The following MPP2 variants were observed in gnomAD, a reference collection of about 807,000 sequenced individuals.
MPP2 encodes MAGUK p55 subfamily member 2.
MPP2 carries 42 observed loss-of-function variants against 58.5 expected under a neutral mutation model. The observed-to-expected ratio is 0.72, with a 90% CI of 0.56 to 0.93. MPP2 has a LOEUF of 0.93. MPP2 is among the 40% of genes least tolerant of loss of function. The pLI is 0.00. For synonymous variants in MPP2, 300 were observed against 307.8 expected (o/e 0.97, Z 0.26); for missense variants, 632 against 760.4 (o/e 0.83, Z 1.99).
intron 3 of MPP2, among the ~76,000 whole-genome samples, chr17:43,890,092 G>A (rs544644800): frequency 3.9e-5 from 6 of 152,058 alleles, no homozygotes; most frequent in African/African-American, 9.6e-5. Context: ...GATTACAGGC[G>A]TGAGCCACCG....
At position 43,876,162 on chromosome 17, in the gene MPP2, T is replaced by C. The variant is rs2046820364; in HGVS notation, c.*1645A>G. On this transcript the variant is annotated 3_prime_UTR_variant, in exon 13 of 13. Transcript: ENST00000269095. ...CTAGTATAAGAAATATATTCTAACA[T>C]TTGTAATAAATATTCTGTTTATTCT... The C allele has an allele frequency of 6.5e-6, 1 of 152,748 alleles. No individual in the cohort carries two copies. Among genetic ancestry groups the C allele is most frequent in the African/African-American group, 2.4e-5 (1 of 41,576 alleles). 9.5% of individuals were successfully genotyped at this position (152,748 alleles called of 1,614,324 possible). A position where few individuals can be genotyped will look rare whatever the true frequency, so the allele number is the denominator to read the frequency against.
In MPP2 at chr17:43,879,547, T is replaced by C; in HGVS notation, c.1354-144A>G. Reference sequence around the variant, plus strand: ...GCCCGGGGGTCTGGGACATGAGTCCTGGGACAAATGACAAACAGCTGGCAG... The same window carrying C: ...GCCCGGGGGTCTGGGACATGAGTCCCGGGACAAATGACAAACAGCTGGCAG... On this transcript the variant is annotated intron_variant, in intron 11 of 12. Transcript: ENST00000269095. This position sits in a 1 kb window ranked among gnomAD's most constrained non-coding sequence, Gnocchi z 4.1. 9.0e-7 allele frequency: 1 copy of C among 1,107,186 alleles called. No homozygotes were observed. Among genetic ancestry groups the C allele is most frequent in the African/African-American group, 1.6e-5 (1 of 64,156 alleles). 68.6% of individuals were successfully genotyped at this position (1,107,186 alleles called of 1,614,324 possible). A position where few individuals can be genotyped will look rare whatever the true frequency, so the allele number is the denominator to read the frequency against.
intron 3 of MPP2, among the ~76,000 whole-genome samples, chr17:43,895,228 C>T (rs1229270461): frequency 6.6e-6 from 1 of 152,072 alleles, no homozygotes; most frequent in Non-Finnish European, 1.5e-5. Flanking sequence ...ACTCTCCTGC[C>T]TCAGCCTCTT....
intron 3 of MPP2, among the ~76,000 whole-genome samples, chr17:43,894,464 A>C (rs868769370): frequency 1.8e-5 from 2 of 111,448 alleles, no homozygotes; most frequent in Non-Finnish European, 4.0e-5. Context: ...CACACACACA[A>C]AAATTAGCCG....
At chr17:43,901,122 C>T (rs1044487598) in intron 2 of MPP2, among the ~76,000 whole-genome samples, 15 of 152,122 alleles carry the variant, frequency 9.9e-5, no homozygotes, top group Admixed American at 7.2e-4. Flanking sequence ...TCCCCAAGAA[C>T]GACTCAGCCC....
In MPP2 at chr17:43,880,532, T is replaced by A. The variant is rs2047061321; in HGVS notation, c.1150+159A>T. On this transcript the variant is annotated intron_variant, in intron 10 of 12. Transcript: ENST00000269095. The surrounding 1 kb of genome is among the most constrained non-coding windows in gnomAD (Gnocchi z 5.2). ...CCCTCACCCTTCCTGAGCCTGAAGTTCCCCTAACCACCCACAGAGGGCGTG... is the reference window on the plus strand; with the variant it reads ...CCCTCACCCTTCCTGAGCCTGAAGTACCCCTAACCACCCACAGAGGGCGTG... Among the ~76,000 whole-genome samples, 1 of 152,122 alleles carries A rather than the reference T, an allele frequency of 6.6e-6. No individual in the cohort carries two copies. The highest frequency in any genetic ancestry group is 6.5e-5 in the Admixed American group (1 of 15,282).
chr17:43,907,079 CCT>C, intron 1 of MPP2: 1 of 802,662 alleles, frequency 1.2e-6, no homozygotes, highest in Non-Finnish European at 1.5e-6. Flanking sequence ...CCCAGCGCAA[CCT>C]CTGTCTCGCT....
chr17:43,903,485 G>A (rs539231352), intron 2 of MPP2, among the ~76,000 whole-genome samples: 2 of 151,870 alleles, frequency 1.3e-5, no homozygotes, highest in Non-Finnish European at 2.9e-5. Flanking sequence ...CTTGAGCTCA[G>A]GAGTTTGAGA....
rs1416146603 is a variant in MPP2 at position 43,877,842 on chromosome 17, C to T, written c.1624G>A (p.Glu542Lys). Reference sequence around the variant, plus strand: ...CAGCTGACAGGCACCCACTGGGGCTCTGTCCGTAGCTTCTCCATGGCTGTC... The same window carrying T: ...CAGCTGACAGGCACCCACTGGGGCTTTGTCCGTAGCTTCTCCATGGCTGTC... Reference protein sequence around the residue: ...LQTAMEKLRTEPQWVPVSWVY With the variant: ...LQTAMEKLRTKPQWVPVSWVY Residue 542 changes from glutamate to lysine, a missense_variant, in exon 13 of 13, where the codon GAG becomes AAG. Transcript: ENST00000269095. 1 of 1,614,032 alleles carries T rather than the reference C, an allele frequency of 6.2e-7. No homozygotes were observed. Among genetic ancestry groups the T allele is most frequent in the Non-Finnish European group, 8.5e-7 (1 of 1,179,924 alleles).
chr17:43,894,149 T>A (rs1028679463), intron 3 of MPP2, among the ~76,000 whole-genome samples: 1 of 149,840 alleles, frequency 6.7e-6, no homozygotes, highest in African/African-American at 2.5e-5. Flanking sequence ...CCAGGTGCGG[T>A]GGCTCACACC....
At position 43,880,022 on chromosome 17, in the gene MPP2, G is replaced by A; in HGVS notation, c.1151-38C>T. The A allele has an allele frequency of 6.2e-7, 1 of 1,605,154 alleles. No homozygotes were observed. Among genetic ancestry groups the A allele is most frequent in the Non-Finnish European group, 8.5e-7 (1 of 1,172,552 alleles). On this transcript the variant is annotated intron_variant, in intron 10 of 12. Transcript: ENST00000269095. The surrounding 1 kb of genome is among the most constrained non-coding windows in gnomAD (Gnocchi z 5.2). Reference sequence around the variant, plus strand: ...GGGTAGGTTGGACCAAATGGGCAGGGGCAGGTTACAGTGCCTCAGACACAT... The same window carrying A: ...GGGTAGGTTGGACCAAATGGGCAGGAGCAGGTTACAGTGCCTCAGACACAT...
At chr17:43,882,795 G>T in intron 5 of MPP2, 108 bp downstream of exon 5, 14 of 1,502,224 alleles carry the variant, frequency 9.3e-6, no homozygotes, top group Non-Finnish European at 1.2e-5. Context: ...CACAAAGCTG[G>T]CCCCATCTTC....
At chr17:43,900,731 G>T in intron 2 of MPP2, 2 of 1,190,586 alleles carry the variant, frequency 1.7e-6, no homozygotes, top group Non-Finnish European at 2.3e-6. Context: ...GCCCTGACTG[G>T]CGCTGCGCGG....
rs772802523 is a variant in MPP2, at chr17:43,880,861, A to G, written c.989-9T>C. 1 of 1,591,944 alleles carries G rather than the reference A, an allele frequency of 6.3e-7. No individual in the cohort carries two copies. The highest frequency in any genetic ancestry group is 8.6e-7 in the Non-Finnish European group (1 of 1,166,580). ...CTCATGACGGTCAAACTCTGGACAC[A>G]GGGAGATGGCGCTGCTCACCAGGCT... On this transcript the variant is annotated splice_polypyrimidine_tract_variant and intron_variant, in intron 9 of 12. Transcript: ENST00000269095. The surrounding 1 kb of genome is among the most constrained non-coding windows in gnomAD (Gnocchi z 5.2).
chr17:43,891,663 A>G (rs231507), intron 3 of MPP2, among the ~76,000 whole-genome samples: 121,793 of 152,062 alleles, frequency 0.8, 49,792 homozygotes, highest in East Asian at 1. Flanking sequence ...TAGGAAGCCA[A>G]GGTGGGAGGA....
At position 43,898,202 on chromosome 17, in the gene MPP2, T is replaced by C. The variant is rs566918997; in HGVS notation, c.150+60A>G. On this transcript the variant is annotated intron_variant, in intron 3 of 12. Coordinates refer to ENST00000269095, the MANE Select transcript of MPP2 (RefSeq NM_005374.5). ...AAAGCCCTCTGTAGCTAATACCCCA[T>C]CCCCTACTGTGCCTCCCCAAGCACA... 15 of 1,273,946 alleles carry C rather than the reference T, an allele frequency of 1.2e-5. 1 individual carries two copies. In the South Asian group the frequency reaches 1.8e-4, roughly 15 times the overall value. The allele number at this position is 1,273,946 out of a possible 1,614,324, so 78.9% of individuals were successfully genotyped here.
intron 3 of MPP2, 112 bp downstream of exon 3, chr17:43,898,150 G>A: frequency 2.4e-6 from 2 of 817,002 alleles, no homozygotes; most frequent in Non-Finnish European, 4.2e-6. Context: ...CTTCAGGGGG[G>A]CCTCTTGTGC....
At chr17:43,887,073 T>C (rs766386904) in intron 3 of MPP2, among the ~76,000 whole-genome samples, 1 of 149,016 alleles carries the variant, frequency 6.7e-6, no homozygotes, top group African/African-American at 2.5e-5. Context: ...AAAATTTAGG[T>C]CAGGTGCAGT....
At chr17:43,882,709 C>A (rs1362880111) in intron 5 of MPP2, among the ~76,000 whole-genome samples, 194 bp downstream of exon 5, 3 of 146,096 alleles carry the variant, frequency 2.1e-5, no homozygotes, top group African/African-American at 7.6e-5. Flanking sequence ...TGGAGAGGTG[C>A]GGACACAGGT....
Sources: gnomAD v4.1 joint callset for allele counts (sites outside exome capture counted in the v4.1 genomes callset) on GRCh38, gnomAD v4.1.1 for gene constraint, Gnocchi (gnomAD v3.1) non-coding constraint, MANE v1.5 for transcripts, NCBI Gene and HGNC (gene_info 2026-07-23, HGNC 2026-07-21) for gene names.